The following UBE2O variants were observed in gnomAD, a reference collection of about 807,000 sequenced individuals.
UBE2O encodes the protein ubiquitin conjugating enzyme E2 O.
UBE2O carries 15 observed loss-of-function variants against 125.8 expected under a neutral mutation model. The ratio of observed to expected loss-of-function variants is 0.12; its 90% CI spans 0.08 to 0.18. The LOEUF is 0.18. UBE2O is among the 10% of genes least tolerant of loss of function. UBE2O has a pLI of 1.00. For synonymous variants in UBE2O, 708 were observed against 703.2 expected (o/e 1.01, Z -0.11); for missense variants, 1,280 against 1,723.6 (o/e 0.74, Z 4.56).
Position 76,402,175 on chromosome 17 carries a change from T to C in UBE2O, c.687-48A>G. On this transcript the variant is annotated intron_variant, in intron 4 of 17. Transcript: ENST00000319380. The surrounding 1 kb of genome is among the most constrained non-coding windows in gnomAD (Gnocchi z 5.4). ...GGTCTCCACCAGGGGACACAGTGAG[T>C]ACCAAAAAGTTGCGATTCTGAGATG... 6.3e-7 allele frequency: 1 copy of C among 1,589,058 alleles called. No individual in the cohort carries two copies. The highest frequency in any genetic ancestry group is 8.6e-7 in the Non-Finnish European group (1 of 1,164,508).
rs564564648 is a variant in UBE2O, at chr17:76,410,148, G to A, written c.418-4576C>T. ...TTATTCAGGCCTTAGAGAGCCACAG[G>A]GAGGGCTTGAGATTCTATCCTGAGC... On this transcript the variant is annotated intron_variant, in intron 1 of 17. Coordinates refer to ENST00000319380, the MANE Select transcript of UBE2O (RefSeq NM_022066.4). The surrounding 1 kb of genome is among the most constrained non-coding windows in gnomAD (Gnocchi z 4.0). 1.3e-5 allele frequency among the ~76,000 whole-genome samples: 2 copies of A among 152,220 alleles called. No individual in the cohort carries two copies. Among genetic ancestry groups the A allele is most frequent in the African/African-American group, 4.8e-5 (2 of 41,536 alleles).
In UBE2O at chr17:76,400,005, C is replaced by T; in HGVS notation, c.1156-84G>A. ...TAGGCATCTCAGGCTGGGGGGATGA[C>T]AGCTGTATACACCTGAGTAGCCGGC... On this transcript the variant is annotated intron_variant, in intron 8 of 17. Transcript: ENST00000319380. This position sits in a 1 kb window ranked among gnomAD's most constrained non-coding sequence, Gnocchi z 4.3. 6.5e-7 allele frequency: 1 copy of T among 1,528,714 alleles called. No individual in the cohort carries two copies. Among genetic ancestry groups the T allele is most frequent in the Non-Finnish European group, 8.8e-7 (1 of 1,131,578 alleles). 94.7% of individuals were successfully genotyped at this position (1,528,714 alleles called of 1,614,324 possible).
At chr17:76,397,310 C>G (rs950985527) in intron 13 of UBE2O, among the ~76,000 whole-genome samples, 7 of 152,202 alleles carry the variant, frequency 4.6e-5, no homozygotes, top group Non-Finnish European at 7.3e-5. Flanking sequence ...ACTCCTGCCC[C>G]CTGTGTGGAC....
At chr17:76,439,125 G>A (rs1470747009) in intron 1 of UBE2O, among the ~76,000 whole-genome samples, 2 of 152,330 alleles carry the variant, frequency 1.3e-5, no homozygotes, top group South Asian at 2.1e-4. Flanking sequence ...AGCTGACGGC[G>A]TGGTTTGGAG....
chr17:76,417,179 C>T (rs2072630973), intron 1 of UBE2O, among the ~76,000 whole-genome samples: 1 of 152,212 alleles, frequency 6.6e-6, no homozygotes, highest in African/African-American at 2.4e-5. Context: ...TCCTGATTTC[C>T]ACCTGCCTGG....
chr17:76,444,583 T>C (rs944581002), intron 1 of UBE2O, among the ~76,000 whole-genome samples: 1 of 152,130 alleles, frequency 6.6e-6, no homozygotes, highest in African/African-American at 2.4e-5. Flanking sequence ...AATGCAGTGA[T>C]CAGAAATTCA....
At chr17:76,429,867 G>C (rs1370137931) in intron 1 of UBE2O, among the ~76,000 whole-genome samples, 1 of 152,170 alleles carries the variant, frequency 6.6e-6, no homozygotes, top group Non-Finnish European at 1.5e-5. Context: ...CCTGCCCCTT[G>C]CTCTGCCCAA....
intron 1 of UBE2O, among the ~76,000 whole-genome samples, chr17:76,409,499 T>A (rs1159815813): frequency 2.0e-5 from 3 of 151,160 alleles, no homozygotes; most frequent in African/African-American, 7.3e-5. Flanking sequence ...GGGGTTCAAG[T>A]GATTCTCCTG....
chr17:76,398,951 C>T lies in UBE2O; in HGVS notation c.1669G>A (p.Val557Met), dbSNP rs150786122. The change falls in exon 10 of 18, where the codon GTG (valine) becomes ATG (methionine). Residue 557 changes from valine to methionine, a missense_variant. This residue lies in a region of UBE2O where 145 missense variants were observed against 219.6 expected (regional missense o/e 0.66). Transcript: ENST00000319380. This position sits in a 1 kb window ranked among gnomAD's most constrained non-coding sequence, Gnocchi z 5.4. ...EVVTTMTSAD[V>M]MWQDGSVECN... ...TCCACGGAGCCATCCTGCCACATCA[C>T]GTCGGCTGAGGTCATCGTGGTCACC... 1.9e-6 allele frequency: 3 copies of T among 1,614,002 alleles called. No individual in the cohort carries two copies. The highest frequency in any genetic ancestry group is 2.2e-5 in the East Asian group (1 of 44,904).
At chr17:76,394,131 T>C (rs1056651987) in intron 15 of UBE2O, among the ~76,000 whole-genome samples, 1 of 152,180 alleles carries the variant, frequency 6.6e-6, no homozygotes, top group Non-Finnish European at 1.5e-5. Context: ...TGTTCCAGGG[T>C]TGTGGCTACT....
chr17:76,397,674 C>T (rs1278048222), intron 13 of UBE2O, 125 bp downstream of exon 13: 2 of 952,648 alleles, frequency 2.1e-6, no homozygotes, highest in East Asian at 2.4e-5. Context: ...TGCCTTTCCC[C>T]TCACGCTTTC....
chr17:76,395,794 C>G lies in UBE2O; in HGVS notation c.2877G>C (p.Arg959=). Residue 959 remains arginine (R), a synonymous_variant, in exon 15 of 18, where the codon CGG becomes CGC. Coordinates refer to ENST00000319380, the MANE Select transcript of UBE2O (RefSeq NM_022066.4). The surrounding 1 kb of genome is among the most constrained non-coding windows in gnomAD (Gnocchi z 5.0). ...PEAKKFFSTV[R]KEMALLATSL... ...AGGTAGCCAGCAGCGCCATCTCCTT[C>G]CGCACTGTGCTGAAGAACTTCTTGG... The G allele has an allele frequency of 6.2e-7, 1 of 1,614,230 alleles. No individual in the cohort carries two copies. The highest frequency in any genetic ancestry group is 8.5e-7 in the Non-Finnish European group (1 of 1,180,048).
intron 1 of UBE2O, among the ~76,000 whole-genome samples, chr17:76,412,182 G>A (rs2072527496): frequency 6.6e-6 from 1 of 152,166 alleles, no homozygotes; most frequent in Non-Finnish European, 1.5e-5. Flanking sequence ...TTCAAAGAGT[G>A]AGGCTTTCCC....
chr17:76,424,153 C>T (rs1425513283), intron 1 of UBE2O, among the ~76,000 whole-genome samples: 5 of 151,338 alleles, frequency 3.3e-5, no homozygotes, highest in South Asian at 2.1e-4. Context: ...TGTGATCCGT[C>T]CGTCTCGGCC....
chr17:76,414,533 C>T (rs1266250770), intron 1 of UBE2O, among the ~76,000 whole-genome samples: 1 of 152,184 alleles, frequency 6.6e-6, no homozygotes, highest in Non-Finnish European at 1.5e-5. Flanking sequence ...GGGACAGCCC[C>T]CACGCCCTCA....
chr17:76,413,788 CCACACAGTCA>C (rs1567841703), intron 1 of UBE2O, among the ~76,000 whole-genome samples: 1 of 152,134 alleles, frequency 6.6e-6, no homozygotes, highest in Non-Finnish European at 1.5e-5. Context: ...AACCCAAGAC[CCACACAGTCA>C]CACTCAGGCA....
intron 1 of UBE2O, among the ~76,000 whole-genome samples, chr17:76,415,499 T>C (rs1449020792): frequency 6.6e-6 from 1 of 152,188 alleles, no homozygotes; most frequent in African/African-American, 2.4e-5. Flanking sequence ...ATTGGAACCA[T>C]GCTGCCATTC....
At chr17:76,415,799 G>C (rs538474665) in intron 1 of UBE2O, among the ~76,000 whole-genome samples, 2,453 of 149,698 alleles carry the variant, frequency 0.016, 39 homozygotes, top group African/African-American at 0.044. Flanking sequence ...GCAAGACTGT[G>C]TGTGTGTGTG....
intron 1 of UBE2O, chr17:76,430,463 G>A: frequency 4.0e-6 from 1 of 248,928 alleles, no homozygotes; most frequent in Non-Finnish European, 7.9e-6. Flanking sequence ...CTCCCTGTTG[G>A]CAGCAGCTCC....
Sources: allele counts gnomAD v4.1 joint callset (sites outside exome capture counted in the v4.1 genomes callset), GRCh38; gene constraint gnomAD v4.1.1; regional missense constraint gnomAD v4.1.1; non-coding constraint Gnocchi (gnomAD v3.1); transcripts MANE v1.5; gene names NCBI Gene and HGNC (gene_info 2026-07-23, HGNC 2026-07-21).